The following AFAP1 variants were observed in gnomAD, a reference collection of about 807,000 sequenced individuals.
AFAP1 encodes the protein actin filament associated protein 1, also known as actin filament-associated protein 1.
A neutral mutation model predicts 93.9 loss-of-function variants in AFAP1; 75 were observed. That is an observed-to-expected ratio of 0.80 (90% CI 0.66 to 0.97). The LOEUF (loss-of-function observed/expected upper bound fraction) is 0.97, where lower values mean the gene tolerates loss of function less well. AFAP1 is among the 50% of genes least tolerant of loss of function. The pLI is 0.00. For missense variants in AFAP1, 1,201 were observed against 1,050.8 expected (o/e 1.14, Z -1.98); for synonymous variants, 517 against 430.7 (o/e 1.20, Z -2.48).
At chr4:7,794,990 T>G (rs569327018) in intron 10 of AFAP1, among the ~76,000 whole-genome samples, 1 of 152,224 alleles carries the variant, frequency 6.6e-6, no homozygotes, top group Non-Finnish European at 1.5e-5. Flanking sequence ...AAAAAATTTA[T>G]TGCTTATAAA....
At chr4:7,855,294 G>A (rs1188158633) in intron 4 of AFAP1, among the ~76,000 whole-genome samples, 172 bp downstream of exon 4, 1 of 152,174 alleles carries the variant, frequency 6.6e-6, no homozygotes, top group Admixed American at 6.5e-5. Context: ...TGAGGCACTC[G>A]GTGTCCTTCT....
intron 1 of AFAP1, among the ~76,000 whole-genome samples, chr4:7,882,113 G>C (rs71601887): frequency 0.11 from 16,674 of 152,082 alleles, 1,128 homozygotes; most frequent in Non-Finnish European, 0.16. Flanking sequence ...CTAAAACTAT[G>C]AAGTCCTAAA....
At chr4:7,881,384 C>G (rs1717836939) in intron 1 of AFAP1, among the ~76,000 whole-genome samples, 1 of 152,156 alleles carries the variant, frequency 6.6e-6, no homozygotes, top group African/African-American at 2.4e-5. Context: ...TCTGCCAATG[C>G]CAATGAGCAC....
rs116225504 is a variant in AFAP1, at chr4:7,909,412, A to G, written c.-3+30244T>C. On this transcript the variant is annotated intron_variant, in intron 1 of 17. Transcript: ENST00000420658. ...TGGTACAAACAAGAGTTCAATAAATACCTAAAGAGTACTTCATACCCAAAA... is the reference window on the plus strand; with the variant it reads ...TGGTACAAACAAGAGTTCAATAAATGCCTAAAGAGTACTTCATACCCAAAA... Among the ~76,000 whole-genome samples the G allele has an allele frequency of 6.9e-3, 1,046 of 152,352 alleles. 8 individuals are homozygous for G. Among genetic ancestry groups the G allele is most frequent in the African/African-American group, 0.022 (935 of 41,578 alleles).
In AFAP1 at chr4:7,840,822, CGGAAAG is replaced by C. The variant is rs567844907; in HGVS notation, c.547-2125_547-2120del. ...CAACTAATCGTACAATGGAAGGAAT[CGGAAAG>C]GGAATTTTATTTTTTGATTTTAAAT... On this transcript the variant is annotated intron_variant, in intron 5 of 17. Transcript: ENST00000420658. 3.7e-3 allele frequency among the ~76,000 whole-genome samples: 556 copies of C among 152,198 alleles called. 2 individuals are homozygous for C. The highest frequency in any genetic ancestry group is 0.013 in the African/African-American group (531 of 41,514).
chr4:7,910,664 C>T lies in AFAP1; in HGVS notation c.-3+28992G>A, dbSNP rs975492041. On this transcript the variant is annotated intron_variant, in intron 1 of 17. Coordinates refer to ENST00000420658, the MANE Select transcript of AFAP1 (RefSeq NM_001134647.2). ...CTCTCTCCCCCGTTCACCCGTGCCA[C>T]GAGCACGTGAGTGCATCCACAGGCA... 3.9e-5 allele frequency among the ~76,000 whole-genome samples: 6 copies of T among 152,252 alleles called. No individual in the cohort carries two copies. The South Asian group carries it at 6.2e-4, about 16-fold the overall frequency.
intron 1 of AFAP1, among the ~76,000 whole-genome samples, chr4:7,892,793 G>A (rs2149208706): frequency 6.6e-6 from 1 of 152,176 alleles, no homozygotes; most frequent in South Asian, 2.1e-4. Context: ...CCTGACCTCA[G>A]CCAGCTGGGA....
intron 8 of AFAP1, among the ~76,000 whole-genome samples, chr4:7,812,765 G>A (rs1037617999): frequency 6.6e-6 from 1 of 152,178 alleles, no homozygotes; most frequent in Non-Finnish European, 1.5e-5. Context: ...CCCAGTAACC[G>A]ACGGAAACGG....
At chr4:7,936,004 CCCTCT>C (rs1327821007) in intron 1 of AFAP1, among the ~76,000 whole-genome samples, 1 of 152,106 alleles carries the variant, frequency 6.6e-6, no homozygotes, top group African/African-American at 2.4e-5. Context: ...CGTTTTGAAG[CCCTCT>C]CCTAAGATCA....
chr4:7,783,863 G>A (rs977181776), intron 12 of AFAP1, among the ~76,000 whole-genome samples: 1 of 152,252 alleles, frequency 6.6e-6, no homozygotes, highest in Non-Finnish European at 1.5e-5. Context: ...GCGTGTGAAA[G>A]GGTCTTTGGG....
At chr4:7,863,780 TAA>T (rs1716031482) in intron 3 of AFAP1, among the ~76,000 whole-genome samples, 1 of 152,188 alleles carries the variant, frequency 6.6e-6, no homozygotes, top group Non-Finnish European at 1.5e-5. Flanking sequence ...CCTTATTTGT[TAA>T]AGAGTTTATA....
chr4:7,759,758 T>C lies in AFAP1; in HGVS notation c.*4007A>G, dbSNP rs1031811468. The C allele has an allele frequency of 6.6e-6, 1 of 152,352 alleles. No homozygotes were observed. Among genetic ancestry groups the C allele is most frequent in the Admixed American group, 6.5e-5 (1 of 15,286 alleles). The allele number at this position is 152,352 out of a possible 1,614,324, so 9.4% of individuals were successfully genotyped here. A position where few individuals can be genotyped will look rare whatever the true frequency, so the allele number is the denominator to read the frequency against. ...TGATGCCTGGAGACCTCCAGTGCTGTGTTCCCAGAAGAGGCTGTTTCAAGG... is the reference window on the plus strand; with the variant it reads ...TGATGCCTGGAGACCTCCAGTGCTGCGTTCCCAGAAGAGGCTGTTTCAAGG... On this transcript the variant is annotated 3_prime_UTR_variant, in exon 18 of 18. Transcript: ENST00000420658.
At chr4:7,912,020 C>G (rs1280455860) in intron 1 of AFAP1, among the ~76,000 whole-genome samples, 1 of 152,110 alleles carries the variant, frequency 6.6e-6, no homozygotes, top group Non-Finnish European at 1.5e-5. Context: ...CCAGAAAGGA[C>G]AGAGAGAAAA....
chr4:7,841,852 A>C (rs1298272193), intron 5 of AFAP1, among the ~76,000 whole-genome samples: 1 of 146,952 alleles, frequency 6.8e-6, no homozygotes, highest in African/African-American at 2.5e-5. Flanking sequence ...CCCAAATGGA[A>C]GACAAAGCAG....
chr4:7,840,305 G>GT lies in AFAP1; in HGVS notation c.547-1603_547-1602insA, dbSNP rs1560191710. Among the ~76,000 whole-genome samples, 982 of 131,280 alleles carry GT rather than the reference G, an allele frequency of 7.5e-3. 13 individuals are homozygous for GT. Among genetic ancestry groups the GT allele is most frequent in the African/African-American group, 0.026 (922 of 35,382 alleles). 86.1% of individuals were successfully genotyped at this position (131,280 alleles called of 152,430 possible). ...GTGTGTGTTCCTGGTTTGTTTTTGG[G>GT]GTGTGTGTGTGTGTGTGTGTGTGTT... On this transcript the variant is annotated intron_variant, in intron 5 of 17. Transcript: ENST00000420658.
intron 10 of AFAP1, chr4:7,799,194 C>T (rs1229573181): frequency 1.7e-6 from 1 of 576,782 alleles, no homozygotes; most frequent in African/African-American, 2.0e-5. Flanking sequence ...GTCCCAAGCC[C>T]ATCTGAGCCC....
chr4:7,848,870 G>A (rs1035017859), intron 4 of AFAP1, among the ~76,000 whole-genome samples: 1 of 152,144 alleles, frequency 6.6e-6, no homozygotes, highest in East Asian at 1.9e-4. Context: ...GAACACTCCA[G>A]TAAACTACTA....
At chr4:7,770,239 G>A (rs1715231319) in intron 16 of AFAP1, among the ~76,000 whole-genome samples, 1 of 152,212 alleles carries the variant, frequency 6.6e-6, no homozygotes. Context: ...CGAGGCGGGG[G>A]GTGGCAAGGC....
At chr4:7,871,636 A>G (rs1717057166) in intron 2 of AFAP1, among the ~76,000 whole-genome samples, 1 of 152,194 alleles carries the variant, frequency 6.6e-6, no homozygotes, top group Non-Finnish European at 1.5e-5. Flanking sequence ...CTACGGCTGC[A>G]GTGCGTCCTG....
Sources: allele counts gnomAD v4.1 joint callset (sites outside exome capture counted in the v4.1 genomes callset), GRCh38; gene constraint gnomAD v4.1.1; transcripts MANE v1.5; gene names NCBI Gene and HGNC (gene_info 2026-07-23, HGNC 2026-07-21).